The following BBX variants were observed in gnomAD, a reference collection of about 807,000 sequenced individuals.
BBX encodes the protein BBX high mobility group box domain containing.
In BBX, 30 loss-of-function variants were observed where a neutral mutation model predicts 100.2. The observed-to-expected ratio is 0.30, with a 90% CI of 0.22 to 0.41. The LOEUF (loss-of-function observed/expected upper bound fraction) is 0.41. Ranked by LOEUF, BBX falls within the 10% of genes least tolerant of loss-of-function variation. The probability of loss-of-function intolerance (pLI) is 1.00; values close to 1 mark genes in which losing one functional copy is unlikely to be tolerated. For missense variants in BBX, 1,023 were observed against 1,129.8 expected (o/e 0.91, Z 1.35); for synonymous variants, 376 against 388.1 (o/e 0.97, Z 0.37).
intron 2 of BBX, among the ~76,000 whole-genome samples, chr3:107,634,028 A>G (rs2056708676): frequency 6.6e-6 from 1 of 152,184 alleles, no homozygotes; most frequent in Non-Finnish European, 1.5e-5. Flanking sequence ...CTCATATTAC[A>G]ATATGTCACT....
intron 3 of BBX, 78 bp from the exon 4 acceptor site, chr3:107,710,374 C>A (rs2107302581): frequency 1.7e-6 from 2 of 1,208,268 alleles, no homozygotes; most frequent in East Asian, 5.1e-5. Context: ...TAATTGTAAT[C>A]AAATTTACTT....
At chr3:107,704,640 T>C (rs532946201) in intron 3 of BBX, among the ~76,000 whole-genome samples, 161 of 152,268 alleles carry the variant, frequency 1.1e-3, no homozygotes, top group Middle Eastern at 0.01. Flanking sequence ...CCCACTCTGG[T>C]GATGACTAAT....
At chr3:107,634,241 C>T (rs1341916680) in intron 2 of BBX, among the ~76,000 whole-genome samples, 6 of 152,176 alleles carry the variant, frequency 3.9e-5, no homozygotes, top group Non-Finnish European at 8.8e-5. Context: ...GGATTTTTAA[C>T]TTAGACAGAT....
intron 2 of BBX, among the ~76,000 whole-genome samples, chr3:107,559,151 G>A (rs993610242): frequency 1.3e-5 from 2 of 152,182 alleles, no homozygotes; most frequent in African/African-American, 4.8e-5. Flanking sequence ...CCAAATAATG[G>A]ATATCCCTAG....
At chr3:107,693,714 G>A (rs1191821916) in intron 3 of BBX, among the ~76,000 whole-genome samples, 1 of 151,828 alleles carries the variant, frequency 6.6e-6, no homozygotes, top group African/African-American at 2.4e-5. Flanking sequence ...ACTTTAAAGT[G>A]GTTCTTTCCA....
chr3:107,713,163 C>T (rs2061842482), intron 4 of BBX, among the ~76,000 whole-genome samples: 3 of 152,112 alleles, frequency 2.0e-5, no homozygotes, highest in Admixed American at 2.0e-4. Flanking sequence ...CCTTTTTCTG[C>T]CTTCAGATCC....
At chr3:107,538,275 C>T (rs2048636348) in intron 2 of BBX, among the ~76,000 whole-genome samples, 1 of 152,058 alleles carries the variant, frequency 6.6e-6, no homozygotes, top group South Asian at 2.1e-4. Context: ...TTGTAGTTTT[C>T]TGAAAAGTCT....
intron 5 of BBX, among the ~76,000 whole-genome samples, chr3:107,725,998 C>A (rs1036864786): frequency 1.3e-5 from 2 of 152,030 alleles, no homozygotes; most frequent in African/African-American, 4.8e-5. Context: ...TCTCCTCCCA[C>A]CATCAGTATG....
intron 6 of BBX, among the ~76,000 whole-genome samples, chr3:107,729,493 A>G (rs548083740): frequency 6.6e-6 from 1 of 152,164 alleles, no homozygotes; most frequent in Non-Finnish European, 1.5e-5. Context: ...GGGACAGACA[A>G]ATTTAAAATT....
chr3:107,683,571 T>G (rs2059681471), intron 3 of BBX, among the ~76,000 whole-genome samples: 1 of 152,142 alleles, frequency 6.6e-6, no homozygotes, highest in Admixed American at 6.6e-5. Flanking sequence ...CTTTCTTAAC[T>G]TTGCTGCAGA....
rs75917768 is a variant in BBX, at chr3:107,713,723, C to A, written c.163-2884C>A. Among the ~76,000 whole-genome samples, 479 of 152,122 alleles carry A rather than the reference C, an allele frequency of 3.1e-3. 19 individuals carry two copies. The East Asian group carries it at 0.085, about 27-fold the overall frequency. ...GCTGGTTTACAGGATCAAATGCATG[C>A]GTTTAAATATGGCAGAGCACATTCT... On this transcript the variant is annotated intron_variant, in intron 4 of 17. Transcript: ENST00000325805.
chr3:107,803,541 A>G lies in BBX; in HGVS notation c.2739-1829A>G, dbSNP rs2070747469. Among the ~76,000 whole-genome samples the G allele has an allele frequency of 3.3e-5, 5 of 152,324 alleles. No individual in the cohort carries two copies. The South Asian group carries it at 1.0e-3, about 32-fold the overall frequency. On this transcript the variant is annotated intron_variant, in intron 17 of 17. Transcript: ENST00000325805. ...AATCTAACGTTAGGTTCAGAAACCT[A>G]ACTTAGACAGTTTTACAAAATACAC...
intron 3 of BBX, among the ~76,000 whole-genome samples, chr3:107,662,128 A>G (rs898382403): frequency 6.6e-6 from 1 of 152,230 alleles, no homozygotes; most frequent in Admixed American, 6.5e-5. Flanking sequence ...AAAAGCTGAC[A>G]GATAATCATA....
chr3:107,670,299 A>G (rs932122156), intron 3 of BBX, among the ~76,000 whole-genome samples: 5 of 152,108 alleles, frequency 3.3e-5, no homozygotes, highest in Non-Finnish European at 7.4e-5. Flanking sequence ...CAAGAATAAA[A>G]ATGAGATTTG....
Position 107,807,021 on chromosome 3 carries a change from C to T in BBX, c.*1564C>T, listed in dbSNP as rs771658986. 4 of 151,018 alleles carry T rather than the reference C, an allele frequency of 2.6e-5. No individual in the cohort carries two copies. Among genetic ancestry groups the T allele is most frequent in the Non-Finnish European group, 4.5e-5 (3 of 67,378 alleles). 9.4% of individuals were successfully genotyped at this position (151,018 alleles called of 1,614,324 possible). A position where few individuals can be genotyped will look rare whatever the true frequency, so the allele number is the denominator to read the frequency against. On this transcript the variant is annotated 3_prime_UTR_variant, in exon 18 of 18. Transcript: ENST00000325805. ...ATCTAGCTTTCTTATTTATACTTGACTGAATTGTAATGATTTTTTTTCTAA... is the reference window on the plus strand; with the variant it reads ...ATCTAGCTTTCTTATTTATACTTGATTGAATTGTAATGATTTTTTTTCTAA...
At chr3:107,733,077 A>G (rs2063410861) in intron 7 of BBX, 54 bp downstream of exon 7, 1 of 1,487,842 alleles carries the variant, frequency 6.7e-7, no homozygotes, top group African/African-American at 1.4e-5. Flanking sequence ...TTGGGAACAC[A>G]GTTATAGTCT....
At chr3:107,763,933 A>G (rs2066137336) in intron 10 of BBX, among the ~76,000 whole-genome samples, 1 of 152,174 alleles carries the variant, frequency 6.6e-6, no homozygotes, top group African/African-American at 2.4e-5. Context: ...TAAGGACAGT[A>G]TGATTGCTGG....
In BBX at chr3:107,773,387, A is replaced by C; in HGVS notation, c.1666A>C (p.Ile556Leu). The C allele has an allele frequency of 6.2e-7, 1 of 1,614,182 alleles. No homozygotes were observed. The highest frequency in any genetic ancestry group is 8.5e-7 in the Non-Finnish European group (1 of 1,180,014). ...TTKESRPPDF[I>L]SISASKNISG... The stretch of plus-strand genomic sequence containing the variant: ...CAAAGAGTCAAGACCTCCAGATTTC[A>C]TTAGTATTTCTGCTAGCAAGAACAT... Residue 556 changes from isoleucine (I) to leucine (L), a missense_variant, in exon 11 of 18, where the codon ATT becomes CTT. Ile to Leu is a conservative substitution (Grantham distance 5). Coordinates refer to ENST00000325805, the MANE Select transcript of BBX (RefSeq NM_001142568.3). This position sits in a 1 kb window ranked among gnomAD's most constrained non-coding sequence, Gnocchi z 4.1.
At chr3:107,749,635 C>CTT (rs1236776971) in intron 9 of BBX, among the ~76,000 whole-genome samples, 16 of 141,654 alleles carry the variant, frequency 1.1e-4, no homozygotes, top group Middle Eastern at 3.6e-3. Flanking sequence ...TGTATGACCT[C>CTT]TTTTTTTTTT....
Sources: gnomAD v4.1 joint callset for allele counts (sites outside exome capture counted in the v4.1 genomes callset) on GRCh38, gnomAD v4.1.1 for gene constraint, Gnocchi (gnomAD v3.1) non-coding constraint, MANE v1.5 for transcripts, NCBI Gene and HGNC (gene_info 2026-07-23, HGNC 2026-07-21) for gene names.